The following GATA6 variants were observed in gnomAD, a reference collection of about 807,000 sequenced individuals.
The protein encoded by GATA6 is transcription factor GATA-6.
GATA6 carries 11 observed loss-of-function variants against 48.1 expected under a neutral mutation model. That is an observed-to-expected ratio of 0.23 (90% CI 0.14 to 0.38). The LOEUF is 0.38. Among genes scored for constraint, GATA6 ranks in the 10% least tolerant of loss-of-function variants. GATA6 has a pLI of 1.00. For synonymous variants in GATA6, 419 were observed against 396.1 expected, an observed-to-expected ratio of 1.06 and a Z score of -0.69; for missense variants, 795 against 850.3, an observed-to-expected ratio of 0.93 and a Z score of 0.81.
intron 6 of GATA6, among the ~76,000 whole-genome samples, chr18:22,200,454 T>A (rs2033445327): frequency 6.6e-6 from 1 of 152,196 alleles, no homozygotes; most frequent in African/African-American, 2.4e-5. Flanking sequence ...AGTGGCACTG[T>A]GTGCAATGCA....
At chr18:22,182,905 A>T in intron 5 of GATA6, 35 bp from the exon 6 acceptor site, 1 of 1,596,888 alleles carries the variant, frequency 6.3e-7, no homozygotes, top group Non-Finnish European at 8.6e-7. Flanking sequence ...AGTAGAGCAT[A>T]TGTATATTTA....
chr18:22,178,679 G>A (rs530458333), intron 3 of GATA6, among the ~76,000 whole-genome samples: 4 of 152,276 alleles, frequency 2.6e-5, no homozygotes, highest in East Asian at 1.9e-4. Context: ...TTTAATGAGT[G>A]TATGTGCCTT....
intron 6 of GATA6, among the ~76,000 whole-genome samples, chr18:22,187,482 GAAA>G (rs997261119): frequency 2.1e-5 from 3 of 144,518 alleles, no homozygotes; most frequent in African/African-American, 2.5e-5. Context: ...CTCTGTCTCA[GAAA>G]AAAAAAAAAA....
intron 2 of GATA6, 159 bp from the exon 3 acceptor site, chr18:22,176,796 C>T (rs2033126455): frequency 2.5e-6 from 2 of 811,518 alleles, no homozygotes; most frequent in Admixed American, 3.0e-5. Context: ...ACGAAATAAC[C>T]CTGCTCCTGG....
chr18:22,171,464 C>G lies in GATA6; in HGVS notation c.320C>G (p.Ser107Trp), dbSNP rs2033044857. The change falls in exon 2 of 7, where the codon TCG (serine) becomes TGG (tryptophan). Residue 107 changes from serine (S) to tryptophan (W), a missense_variant. Around this residue, in one of 5 missense-constraint regions of GATA6, gnomAD observed 591 missense variants for 570.0 expected, o/e 1.04. Coordinates refer to ENST00000269216, the MANE Select transcript of GATA6 (RefSeq NM_005257.6). This position sits in a 1 kb window ranked among gnomAD's most constrained non-coding sequence, Gnocchi z 7.1. The stretch of plus-strand genomic sequence containing the variant: ...GTCGCGGGCCCCGGGGGCAACCTGT[C>G]GAGCTGGGAGGACTTGCTGCTGTTC... ...PGVAGPGGNL[S>W]SWEDLLLFTD... The G allele has an allele frequency of 1.3e-6, 2 of 1,599,250 alleles. No homozygotes were observed. The highest frequency in any genetic ancestry group is 1.7e-6 in the Non-Finnish European group (2 of 1,179,158).
Position 22,171,757 on chromosome 18 carries a change from C to T in GATA6, c.613C>T (p.Leu205=). Residue 205 remains leucine (L), a synonymous_variant, in exon 2 of 7, where the codon CTG becomes TTG. Transcript: ENST00000269216. The surrounding 1 kb of genome is among the most constrained non-coding windows in gnomAD (Gnocchi z 7.1). ...GSMLPGLPYH[L]QGSGSGPANH... is the part of the protein sequence containing the mutation. Reference sequence around the variant, plus strand: ...CATGCTGCCCGGCCTACCGTACCACCTGCAGGGGTCGGGCAGTGGGCCAGC... The same window carrying T: ...CATGCTGCCCGGCCTACCGTACCACTTGCAGGGGTCGGGCAGTGGGCCAGC... 2.8e-6 allele frequency: 4 copies of T among 1,427,306 alleles called. 1 individual carries two copies. The South Asian group carries it at 4.3e-5, about 15-fold the overall frequency. 88.4% of individuals were successfully genotyped at this position (1,427,306 alleles called of 1,614,324 possible).
rs1337642807 is a variant in GATA6 at position 22,171,699 on chromosome 18, C to T, written c.555C>T (p.Ser185=). ...CAGCAGCCGCGGCGGCGGCCAGCTC[C>T]CCGGTCTACGTGCCCACCACCCGCG... The part of the protein sequence containing the change: ...AAAAAAAAAS[S]PVYVPTTRVG... The change falls in exon 2 of 7, where the codon TCC becomes TCT. Residue 185 remains serine, a synonymous_variant. Coordinates refer to ENST00000269216, the MANE Select transcript of GATA6 (RefSeq NM_005257.6). The surrounding 1 kb of genome is among the most constrained non-coding windows in gnomAD (Gnocchi z 7.1). 12 of 1,498,246 alleles carry T rather than the reference C, an allele frequency of 8.0e-6. No individual in the cohort carries two copies. The African/African-American group carries it at 1.6e-4, about 20-fold the overall frequency. 92.8% of individuals were successfully genotyped at this position (1,498,246 alleles called of 1,614,324 possible). A position where few individuals can be genotyped will look rare whatever the true frequency, so the allele number is the denominator to read the frequency against.
At position 22,177,235 on chromosome 18, in the gene GATA6, C is replaced by G. The variant is rs573382245; in HGVS notation, c.1302+114C>G. On this transcript the variant is annotated intron_variant, in intron 3 of 6. Transcript: ENST00000269216. ...GCGTCCCCCTCCCAGGGGACAGGTG[C>G]GGCCGCTGCGGTCCCACCCTAGCGG... is the stretch of plus-strand genomic sequence containing the variant. The G allele has an allele frequency of 1.3e-3, 1,196 of 951,488 alleles. 17 individuals carry two copies. The South Asian group carries it at 0.014, about 11-fold the overall frequency. The allele number at this position is 951,488 out of a possible 1,614,324, so 58.9% of individuals were successfully genotyped here. A position where few individuals can be genotyped will look rare whatever the true frequency, so the allele number is the denominator to read the frequency against.
chr18:22,199,838 G>A (rs1407733782), intron 6 of GATA6, among the ~76,000 whole-genome samples: 1 of 150,914 alleles, frequency 6.6e-6, no homozygotes, highest in African/African-American at 2.4e-5. Flanking sequence ...AGGAGATGGA[G>A]GTTGCACTGA....
chr18:22,183,085 C>G (rs1050923916), intron 6 of GATA6, 42 bp downstream of exon 6: 1 of 1,441,712 alleles, frequency 6.9e-7, no homozygotes, highest in South Asian at 1.1e-5. Flanking sequence ...TACTGGGCTG[C>G]TCTCTAGTAA....
At chr18:22,174,645 G>A (rs1690928801) in intron 2 of GATA6, among the ~76,000 whole-genome samples, 1 of 152,124 alleles carries the variant, frequency 6.6e-6, no homozygotes, top group Admixed American at 6.5e-5. Context: ...TGGGGTGAAG[G>A]GTGGGGAGCG....
Position 22,170,167 on chromosome 18 carries a change from C to T in GATA6, c.-38+485C>T, listed in dbSNP as rs1287855755. ...ATTTGGGGTCGCCTCGGCTCTGGGGCGGTCTCACGCTCCCCCCTCCCCAGC... is the reference window on the plus strand; with the variant it reads ...ATTTGGGGTCGCCTCGGCTCTGGGGTGGTCTCACGCTCCCCCCTCCCCAGC... On this transcript the variant is annotated intron_variant, in intron 1 of 6. Transcript: ENST00000269216. This position sits in a 1 kb window ranked among gnomAD's most constrained non-coding sequence, Gnocchi z 6.7. Among the ~76,000 whole-genome samples the T allele has an allele frequency of 6.6e-6, 1 of 152,196 alleles. No homozygotes were observed. The highest frequency in any genetic ancestry group is 1.5e-5 in the Non-Finnish European group (1 of 68,028).
At chr18:22,200,546 T>C (rs1183481964) in intron 6 of GATA6, 110 bp from the exon 7 acceptor site, 4 of 1,377,054 alleles carry the variant, frequency 2.9e-6, no homozygotes, top group Non-Finnish European at 4.1e-6. Flanking sequence ...CAGGAGCAGC[T>C]CTGGCCCTGG....
intron 3 of GATA6, chr18:22,180,140 G>A (rs1320582453): frequency 6.6e-6 from 1 of 151,746 alleles, no homozygotes; most frequent in Non-Finnish European, 1.5e-5. Flanking sequence ...ACGAATTTGG[G>A]TGTCATTCTT....
chr18:22,199,675 A>G (rs2385472), intron 6 of GATA6, among the ~76,000 whole-genome samples: 61,274 of 151,704 alleles, frequency 0.4, 12,534 homozygotes, highest in African/African-American at 0.49. Flanking sequence ...GGCCCAGGCA[A>G]GCAGATCACC....
Position 22,170,853 on chromosome 18 carries a change from G to C in GATA6, c.-37-255G>C. 1.9e-6 allele frequency: 1 copy of C among 515,246 alleles called. No individual in the cohort carries two copies. The highest frequency in any genetic ancestry group is 3.5e-6 in the Non-Finnish European group (1 of 289,004). The allele number at this position is 515,246 out of a possible 1,614,324, so 31.9% of individuals were successfully genotyped here. A position where few individuals can be genotyped will look rare whatever the true frequency, so the allele number is the denominator to read the frequency against. ...GGGCGGGGAGGACGCGGGGACCGGA[G>C]CGGTGCCTTTGAGGGAGGGCTGGTA... On this transcript the variant is annotated intron_variant, in intron 1 of 6. Coordinates refer to ENST00000269216, the MANE Select transcript of GATA6 (RefSeq NM_005257.6). This position sits in a 1 kb window ranked among gnomAD's most constrained non-coding sequence, Gnocchi z 6.7.
At chr18:22,194,773 G>A (rs1370926763) in intron 6 of GATA6, among the ~76,000 whole-genome samples, 1 of 149,206 alleles carries the variant, frequency 6.7e-6, no homozygotes, top group Non-Finnish European at 1.5e-5. Context: ...ACTATCATCA[G>A]TGAGGGAAAG....
In GATA6 at chr18:22,194,131, G is replaced by A. The variant is rs565162348; in HGVS notation, c.1621-6525G>A. Among the ~76,000 whole-genome samples the A allele has an allele frequency of 7.2e-5, 11 of 152,142 alleles. No homozygotes were observed. The South Asian group carries it at 2.3e-3, about 32-fold the overall frequency. On this transcript the variant is annotated intron_variant, in intron 6 of 6. Transcript: ENST00000269216. ...AACTGTGGCTACTTCTCAGGCTAGC[G>A]GATATTTTCCATGTCCCAATCTGTA...
chr18:22,196,670 G>A (rs1598742303), intron 6 of GATA6, among the ~76,000 whole-genome samples: 1 of 152,116 alleles, frequency 6.6e-6, no homozygotes, highest in South Asian at 2.1e-4. Context: ...CAGCCCAGGA[G>A]GTGGAGGTTG....
Sources: allele counts gnomAD v4.1 joint callset (sites outside exome capture counted in the v4.1 genomes callset), GRCh38; gene constraint gnomAD v4.1.1; regional missense constraint gnomAD v4.1.1; non-coding constraint Gnocchi (gnomAD v3.1); transcripts MANE v1.5; gene names NCBI Gene and HGNC (gene_info 2026-07-23, HGNC 2026-07-21).